CEP350: variants seen among roughly 807,000 people sequenced by gnomAD.
CEP350 encodes the protein centrosome-associated protein 350.
Under a neutral mutation model 331.8 loss-of-function variants are expected in CEP350, and 126 were observed. That is an observed-to-expected ratio of 0.38 (90% CI 0.33 to 0.44). CEP350 has a LOEUF of 0.44. Among genes scored for constraint, CEP350 ranks in the 20% least tolerant of loss-of-function variants. The pLI, the probability that CEP350 is intolerant of heterozygous loss-of-function variation, is 1.00. For missense variants in CEP350, 3,406 were observed against 3,634.6 expected (o/e 0.94, Z 1.62); for synonymous variants, 1,200 against 1,259.5 (o/e 0.95, Z 1.00).
chr1:179,964,921 GTTAC>G (rs1054155752), intron 1 of CEP350, among the ~76,000 whole-genome samples: 4 of 151,534 alleles, frequency 2.6e-5, no homozygotes, highest in Non-Finnish European at 5.9e-5. Flanking sequence ...TCTGATCTTA[GTTAC>G]TTCTTTTTTT....
intron 25 of CEP350, among the ~76,000 whole-genome samples, chr1:180,057,403 C>T (rs1271453100): frequency 6.6e-6 from 1 of 151,920 alleles, no homozygotes; most frequent in East Asian, 1.9e-4. Flanking sequence ...GCCTGGCCTA[C>T]TTTTCTTTTT....
At chr1:180,045,637 C>T (rs1216424389) in intron 21 of CEP350, among the ~76,000 whole-genome samples, 3 of 152,200 alleles carry the variant, frequency 2.0e-5, no homozygotes, top group Non-Finnish European at 4.4e-5. Flanking sequence ...ACTGAAACTT[C>T]ATGTAAACCA....
chr1:179,981,364 G>A (rs575402960), intron 1 of CEP350, among the ~76,000 whole-genome samples: 7 of 152,204 alleles, frequency 4.6e-5, no homozygotes, highest in Middle Eastern at 6.8e-3. Flanking sequence ...TCATTATTCC[G>A]CAAGAAGTGA....
chr1:180,093,930 A>T lies in CEP350; in HGVS notation c.7825A>T (p.Ser2609Cys). The T allele has an allele frequency of 6.2e-7, 1 of 1,613,918 alleles. No individual in the cohort carries two copies. The highest frequency in any genetic ancestry group is 2.2e-5 in the East Asian group (1 of 44,874). ...TCCAAAAGACAGAGAAAAGGATGTC[A>T]GTGAATATTTTTATGAGAAATCCCT... ...EGPKDREKDV[S>C]EYFYEKSLPS... Residue 2609 changes from serine (S) to cysteine (C), a missense_variant, in exon 34 of 38, where the codon AGT (serine) becomes TGT (cysteine). Transcript: ENST00000367607.
chr1:179,972,954 G>A (rs562409378), intron 1 of CEP350, among the ~76,000 whole-genome samples: 72 of 150,250 alleles, frequency 4.8e-4, no homozygotes, highest in African/African-American at 1.7e-3. Flanking sequence ...TGCAAGCTCC[G>A]CCTCCGGGGT....
At chr1:180,078,261 AT>A (rs1030588545) in intron 28 of CEP350, among the ~76,000 whole-genome samples, 1 of 152,204 alleles carries the variant, frequency 6.6e-6, no homozygotes, top group African/African-American at 2.4e-5. Flanking sequence ...AAATAATAAC[AT>A]TTGCACAGAG....
chr1:180,010,175 T>C (rs911805719), intron 8 of CEP350, among the ~76,000 whole-genome samples: 1 of 152,164 alleles, frequency 6.6e-6, no homozygotes, highest in African/African-American at 2.4e-5. Context: ...TTGTTTCTTA[T>C]GAAAATTGTC....
intron 25 of CEP350, among the ~76,000 whole-genome samples, chr1:180,061,364 T>TTTTTGTGTC (rs2149003771): frequency 6.6e-6 from 1 of 152,226 alleles, no homozygotes; most frequent in East Asian, 1.9e-4. Flanking sequence ...GCCTGGCTAA[T>TTTTTGTGTC]TTTTGTGTCT....
chr1:180,006,378 T>C, intron 7 of CEP350, 76 bp from the exon 8 acceptor site: 1 of 782,374 alleles, frequency 1.3e-6, no homozygotes, highest in Non-Finnish European at 2.2e-6. Flanking sequence ...TTTATACAGA[T>C]TTTTCCTATG....
intron 25 of CEP350, among the ~76,000 whole-genome samples, chr1:180,055,307 A>C (rs1164070754): frequency 6.6e-6 from 1 of 152,080 alleles, no homozygotes; most frequent in Non-Finnish European, 1.5e-5. Context: ...TATACTTCAT[A>C]TAGTGGTTGT....
At chr1:180,004,878 GCTTGCTTGCTTGCTTGCTT>G (rs1558092869) in intron 7 of CEP350, among the ~76,000 whole-genome samples, 4,401 of 93,598 alleles carry the variant, frequency 0.047, 114 homozygotes, top group Middle Eastern at 0.083. Context: ...TGGCTGGCTT[GCTTGCTTGCTTGCTTGCTT>G]GCTTGCTTGC....
At chr1:180,056,414 T>C (rs1657842317) in intron 25 of CEP350, among the ~76,000 whole-genome samples, 2 of 152,002 alleles carry the variant, frequency 1.3e-5, no homozygotes, top group Non-Finnish European at 2.9e-5. Context: ...ATTGGTTTTT[T>C]TATTTAATCA....
chr1:180,069,164 A>T (rs1287607869), intron 27 of CEP350, among the ~76,000 whole-genome samples: 5 of 152,238 alleles, frequency 3.3e-5, no homozygotes, highest in Admixed American at 3.3e-4. Flanking sequence ...GTAGCATAGA[A>T]AGATGAAGCC....
intron 23 of CEP350, 58 bp downstream of exon 23, chr1:180,053,224 T>G (rs113785742): frequency 3.5e-6 from 3 of 850,608 alleles, no homozygotes; most frequent in East Asian, 3.0e-5. Context: ...CTCAAAGATA[T>G]GAGAAAACAT....
Position 180,014,011 on chromosome 1 carries a change from A to T in CEP350, c.1558A>T (p.Asn520Tyr). 6.2e-7 allele frequency: 1 copy of T among 1,613,730 alleles called. No individual in the cohort carries two copies. The highest frequency in any genetic ancestry group is 8.5e-7 in the Non-Finnish European group (1 of 1,179,748). ...DNKQEENTAL[N>Y]KDFLPIEIRG... ...TAAGCAGGAGGAAAATACTGCCTTA[A>T]ATAAGGACTTTTTACCTATTGAAAT... The change falls in exon 10 of 38, where the codon AAT (asparagine) becomes TAT (tyrosine). Residue 520 changes from asparagine (N) to tyrosine (Y), a missense_variant. This residue lies in a region of CEP350 where 1,857 missense variants were observed against 1,909.2 expected (regional missense o/e 0.97). Coordinates refer to ENST00000367607, the MANE Select transcript of CEP350 (RefSeq NM_014810.5).
chr1:179,988,296 CA>C (rs532507277), intron 3 of CEP350, among the ~76,000 whole-genome samples: 5,570 of 86,574 alleles, frequency 0.064, 151 homozygotes, highest in African/African-American at 0.11. Flanking sequence ...GATCCTGTCT[CA>C]AAAAAAAAAA....
rs565399080 is a variant in CEP350, at chr1:180,114,159, A to G, written c.*2998A>G. ...ATTGCTCATAAGAGTGTTGTGGCCT[A>G]TTGATAAAAACAATTTTGTTCAGTT... On this transcript the variant is annotated 3_prime_UTR_variant, in exon 38 of 38. Coordinates refer to ENST00000367607, the MANE Select transcript of CEP350 (RefSeq NM_014810.5). The G allele has an allele frequency of 1.0e-4, 16 of 152,702 alleles. No individual in the cohort carries two copies. Among genetic ancestry groups the G allele is most frequent in the African/African-American group, 3.8e-4 (16 of 41,560 alleles). 9.5% of individuals were successfully genotyped at this position (152,702 alleles called of 1,614,324 possible).
intron 5 of CEP350, among the ~76,000 whole-genome samples, chr1:179,994,221 G>A (rs1035744418): frequency 6.6e-6 from 1 of 151,912 alleles, no homozygotes; most frequent in African/African-American, 2.4e-5. Flanking sequence ...TTGTTGGGGG[G>A]GTGTTAATTT....
chr1:180,021,119 G>A, intron 12 of CEP350, 110 bp downstream of exon 12: 2 of 925,168 alleles, frequency 2.2e-6, no homozygotes, highest in Non-Finnish European at 3.0e-6. Context: ...GTGGATAATG[G>A]AGACTTATTA....
Sources: gnomAD v4.1 joint callset for allele counts (sites outside exome capture counted in the v4.1 genomes callset) on GRCh38, gnomAD v4.1.1 for gene constraint, gnomAD v4.1.1 regional missense constraint, MANE v1.5 for transcripts, NCBI Gene and HGNC (gene_info 2026-07-23, HGNC 2026-07-21) for gene names.